The following HEXD variants were observed in gnomAD, a reference collection of about 807,000 sequenced individuals.
HEXD encodes the protein hexosaminidase D, also known as N-acetyl-beta-galactosaminidase.
HEXD carries 47 observed loss-of-function variants against 54.2 expected under a neutral mutation model. The ratio of observed to expected loss-of-function variants is 0.87; its 90% CI spans 0.69 to 1.11. The LOEUF is 1.11. HEXD is among the 50% of genes least tolerant of loss of function. HEXD has a pLI of 0.00. For synonymous variants in HEXD, 293 were observed against 287.6 expected (o/e 1.02, Z -0.19); for missense variants, 576 against 649.2 (o/e 0.89, Z 1.23).
At position 82,441,282 on chromosome 17, in the gene HEXD, A is replaced by G; in HGVS notation, c.1163+16A>G. The G allele has an allele frequency of 7.8e-7, 1 of 1,289,106 alleles. No homozygotes were observed. The highest frequency in any genetic ancestry group is 1.2e-5 in the South Asian group (1 of 80,472). The allele number at this position is 1,289,106 out of a possible 1,614,324, so 79.9% of individuals were successfully genotyped here. Reference sequence around the variant, plus strand: ...AGGGCAACAGGTGAGCGTGTGGGTTAGGGGCAGGTGTGGGTGAGGGGGGCA... The same window carrying G: ...AGGGCAACAGGTGAGCGTGTGGGTTGGGGGCAGGTGTGGGTGAGGGGGGCA... On this transcript the variant is annotated intron_variant, in intron 11 of 12. Coordinates refer to ENST00000327949, the MANE Select transcript of HEXD (RefSeq NM_001330542.2).
intron 4 of HEXD, among the ~76,000 whole-genome samples, chr17:82,433,161 T>A (rs28462113): frequency 0.24 from 21,124 of 88,082 alleles, 3,582 homozygotes; most frequent in East Asian, 0.64. Flanking sequence ...ATATTTTTAG[T>A]CTGGGCGTGG....
chr17:82,419,390 G>A (rs185214736), intron 1 of HEXD, among the ~76,000 whole-genome samples: 102 of 152,250 alleles, frequency 6.7e-4, no homozygotes, highest in Middle Eastern at 3.4e-3. Context: ...CATATTGTGC[G>A]GCCTGATAAG....
chr17:82,435,734 C>A lies in HEXD; in HGVS notation c.493C>A (p.Gln165Lys), dbSNP rs928335069. The change falls in exon 6 of 13, where the codon CAA (glutamine) becomes AAA (lysine). Residue 165 changes from glutamine (Q) to lysine (K), a missense_variant. Physicochemically the swap from Gln to Lys is moderately conservative, Grantham distance 53. Coordinates refer to ENST00000327949, the MANE Select transcript of HEXD (RefSeq NM_001330542.2). ...GGAGGCCTCGCGCCGGTGGCTACAG[C>A]AAGAGCAGAACAGCACGGGGAAGTT... Reference protein sequence around the residue: ...EGEASRRWLQQEQNSTGKLCL... With the variant: ...EGEASRRWLQKEQNSTGKLCL... The A allele has an allele frequency of 1.2e-6, 2 of 1,612,942 alleles. No homozygotes were observed. Among genetic ancestry groups the A allele is most frequent in the Middle Eastern group, 1.7e-4 (1 of 6,058 alleles).
rs989676568 is a variant in HEXD, at chr17:82,418,583, G to A, written c.-209G>A. The stretch of plus-strand genomic sequence containing the variant: ...CGAGGCAGGCACGGCGCAGGGACGC[G>A]AGTGCGACGCGCTCGGCCATCGGCC... On this transcript the variant is annotated 5_prime_UTR_variant, in exon 1 of 13. Transcript: ENST00000327949. 19 of 546,316 alleles carry A rather than the reference G, an allele frequency of 3.5e-5. No individual in the cohort carries two copies. Among genetic ancestry groups the A allele is most frequent in the Non-Finnish European group, 4.3e-5 (16 of 373,810 alleles). The allele number at this position is 546,316 out of a possible 1,614,324, so 33.8% of individuals were successfully genotyped here. A position where few individuals can be genotyped will look rare whatever the true frequency, so the allele number is the denominator to read the frequency against.
intron 12 of HEXD, 54 bp downstream of exon 12, chr17:82,441,943 T>C (rs555816670): frequency 2.6e-6 from 4 of 1,544,562 alleles, no homozygotes; most frequent in East Asian, 2.2e-5. Flanking sequence ...TGAGAACTGC[T>C]GCTGTTGCTG....
At chr17:82,432,106 G>T (rs2053591074) in intron 4 of HEXD, among the ~76,000 whole-genome samples, 2 of 152,178 alleles carry the variant, frequency 1.3e-5, no homozygotes, top group South Asian at 4.1e-4. Flanking sequence ...TTTGGGCAGA[G>T]GTTGTGCTCC....
chr17:82,433,122 A>T (rs1328580485), intron 4 of HEXD, among the ~76,000 whole-genome samples: 4 of 17,434 alleles, frequency 2.3e-4, no homozygotes, highest in South Asian at 2.4e-3. Flanking sequence ...ATATATATAT[A>T]TATATATTTT....
intron 4 of HEXD, 30 bp downstream of exon 4, chr17:82,428,675 G>A (rs758637485): frequency 5.1e-6 from 8 of 1,576,672 alleles, no homozygotes; most frequent in Non-Finnish European, 7.0e-6. Context: ...GTTACCTGGT[G>A]CCAGGTGTGG....
rs997944145 is a variant in HEXD at position 82,434,707 on chromosome 17, G to A, written c.447+885G>A. Among the ~76,000 whole-genome samples the A allele has an allele frequency of 2.0e-5, 3 of 151,904 alleles. No individual in the cohort carries two copies. The highest frequency in any genetic ancestry group is 6.6e-5 in the Admixed American group (1 of 15,252). On this transcript the variant is annotated intron_variant, in intron 5 of 12. Coordinates refer to ENST00000327949, the MANE Select transcript of HEXD (RefSeq NM_001330542.2). The surrounding 1 kb of genome is among the most constrained non-coding windows in gnomAD (Gnocchi z 4.5). The stretch of plus-strand genomic sequence containing the variant: ...ACAAAAATCAGCCGGGCGTGATGGC[G>A]GGCGCCTGTAATCCCAGCTACTCAG...
intron 4 of HEXD, among the ~76,000 whole-genome samples, chr17:82,433,130 TTTTTTTTTTTTTTTATATATATA>T (rs1778550827): frequency 2.0e-4 from 4 of 20,058 alleles, no homozygotes; most frequent in African/African-American, 6.2e-4. Context: ...ATATATATAT[TTTTTTTTTTTTTTTATATATATA>T]TTTTTAGTCT....
At position 82,425,254 on chromosome 17, in the gene HEXD, G is replaced by A. The variant is rs889339762; in HGVS notation, c.194+751G>A. 6.2e-4 allele frequency among the ~76,000 whole-genome samples: 93 copies of A among 150,538 alleles called. 1 individual carries two copies. Among genetic ancestry groups the A allele is most frequent in the African/African-American group, 2.0e-3 (80 of 40,708 alleles). ...GGCCGGAGGAGGCTAGAGAAGGCTG[G>A]AGAAGGCTGGAGAAGGCTGGGCTAG... is the stretch of plus-strand genomic sequence containing the variant. On this transcript the variant is annotated intron_variant, in intron 3 of 12. Coordinates refer to ENST00000327949, the MANE Select transcript of HEXD (RefSeq NM_001330542.2).
chr17:82,422,495 T>TA (rs11386505), intron 2 of HEXD, among the ~76,000 whole-genome samples: 60,113 of 140,478 alleles, frequency 0.43, 13,782 homozygotes, highest in East Asian at 0.71. Flanking sequence ...AGACTCAGTC[T>TA]AAAAAAAAAA....
Position 82,419,778 on chromosome 17 carries a change from G to C in HEXD, c.-22G>C. ...AAGTCCCCAAGGAGACTTCGCCATAGGAGTTCACAGGAAATATTGAAATGT... is the reference window on the plus strand; with the variant it reads ...AAGTCCCCAAGGAGACTTCGCCATACGAGTTCACAGGAAATATTGAAATGT... On this transcript the variant is annotated 5_prime_UTR_variant, in exon 2 of 13. Transcript: ENST00000327949. 1 of 1,523,576 alleles carries C rather than the reference G, an allele frequency of 6.6e-7. No homozygotes were observed. Among genetic ancestry groups the C allele is most frequent in the Non-Finnish European group, 9.1e-7 (1 of 1,099,596 alleles). 94.4% of individuals were successfully genotyped at this position (1,523,576 alleles called of 1,614,324 possible).
At position 82,441,676 on chromosome 17, in the gene HEXD, C is replaced by T. The variant is rs190292537; in HGVS notation, c.1164-124C>T. ...GAGGCAGCCTCATCCTTCACAAAGACTTTCTGGGGGACATAAGACTTAGAA... is the reference window on the plus strand; with the variant it reads ...GAGGCAGCCTCATCCTTCACAAAGATTTTCTGGGGGACATAAGACTTAGAA... On this transcript the variant is annotated intron_variant, in intron 11 of 12. Transcript: ENST00000327949. The T allele has an allele frequency of 1.1e-3, 884 of 816,422 alleles. 12 individuals carry two copies. In the African/African-American group the frequency reaches 0.013, roughly 12 times the overall value. The allele number at this position is 816,422 out of a possible 1,614,324, so 50.6% of individuals were successfully genotyped here.
rs2053740180 is a variant in HEXD at position 82,435,698 on chromosome 17, C to G, written c.457C>G (p.Leu153Val). Reference sequence around the variant, plus strand: ...TGCTCCTTCCTTGCAGGTCTATTACCTCGGAGAGGGGGAGGCCTCGCGCCG... The same window carrying G: ...TGCTCCTTCCTTGCAGGTCTATTACGTCGGAGAGGGGGAGGCCTCGCGCCG... ...LHIGCDEVYY[L>V]GEGEASRRWL... is the part of the protein sequence containing the mutation. The change falls in exon 6 of 13, where the codon CTC becomes GTC. Residue 153 changes from leucine (L) to valine (V), a missense_variant. Coordinates refer to ENST00000327949, the MANE Select transcript of HEXD (RefSeq NM_001330542.2). 2 of 1,611,942 alleles carry G rather than the reference C, an allele frequency of 1.2e-6. No individual in the cohort carries two copies. The highest frequency in any genetic ancestry group is 1.7e-4 in the Middle Eastern group (1 of 6,048).
chr17:82,424,545 C>T (rs772439537), intron 3 of HEXD, 42 bp downstream of exon 3: 14 of 1,441,988 alleles, frequency 9.7e-6, no homozygotes, highest in East Asian at 2.3e-5. Flanking sequence ...GGCGTGAAAG[C>T]GGGGAAGGGG....
chr17:82,422,792 C>G (rs1041442716), intron 2 of HEXD, among the ~76,000 whole-genome samples: 2 of 152,074 alleles, frequency 1.3e-5, no homozygotes, highest in African/African-American at 2.4e-5. Context: ...CGCGGTGGCT[C>G]ATGCCTATAA....
At chr17:82,429,195 G>A (rs1039158115) in intron 4 of HEXD, among the ~76,000 whole-genome samples, 3 of 152,112 alleles carry the variant, frequency 2.0e-5, no homozygotes, top group Non-Finnish European at 4.4e-5. Flanking sequence ...AGGAGGCAGA[G>A]GTTGCCATGA....
At chr17:82,418,943 G>T (rs1250090734) in intron 1 of HEXD, among the ~76,000 whole-genome samples, 3 of 152,218 alleles carry the variant, frequency 2.0e-5, no homozygotes, top group Non-Finnish European at 4.4e-5. Flanking sequence ...GTAACTGGTC[G>T]TATGTACAAA....
Sources: allele counts gnomAD v4.1 joint callset (sites outside exome capture counted in the v4.1 genomes callset), GRCh38; gene constraint gnomAD v4.1.1; non-coding constraint Gnocchi (gnomAD v3.1); transcripts MANE v1.5; gene names NCBI Gene and HGNC (gene_info 2026-07-23, HGNC 2026-07-21).